SAMMSON: variants seen among roughly 807,000 people sequenced by gnomAD.
SAMMSON encodes survival associated mitochondrial melanoma specific oncogenic non-coding RNA, also known as long intergenic non-protein coding RNA 1212.
intron 4 of SAMMSON, among the ~76,000 whole-genome samples, chr3:70,133,669 A>C (rs1221891682): frequency 2.6e-5 from 4 of 152,124 alleles, no homozygotes; most frequent in Non-Finnish European, 5.9e-5. Flanking sequence ...CACTGTCTCC[A>C]CATAGATAGT....
rs188017774 is a variant in SAMMSON at position 70,356,539 on chromosome 3, A to G, written n.843-1715A>G. 9.5e-4 allele frequency among the ~76,000 whole-genome samples: 144 copies of G among 152,284 alleles called. 1 individual carries two copies. The highest frequency in any genetic ancestry group is 9.7e-4 in the East Asian group (5 of 5,178). On this transcript the variant is annotated intron_variant and non_coding_transcript_variant, in intron 8 of 9. Transcript: ENST00000642114. ...TACAAGTCCCACCAGTCATTTAATG[A>G]CATTCTCAAGATCCACTGAGAGATG...
At chr3:70,410,193 G>T (rs2106768154) in intron 2 of SAMMSON, among the ~76,000 whole-genome samples, 1 of 152,182 alleles carries the variant, frequency 6.6e-6, no homozygotes, top group Middle Eastern at 3.4e-3. Flanking sequence ...CATCCATGTT[G>T]CCTTCCTTCC....
intron 6 of SAMMSON, among the ~76,000 whole-genome samples, chr3:70,266,594 T>A (rs1701919060): frequency 6.6e-6 from 1 of 151,432 alleles, no homozygotes; most frequent in Non-Finnish European, 1.5e-5. Flanking sequence ...AAGGGTGAAT[T>A]TTTTTATTTT....
chr3:70,360,281 T>A (rs1054614763), intron 9 of SAMMSON, among the ~76,000 whole-genome samples: 10 of 152,132 alleles, frequency 6.6e-5, no homozygotes, highest in African/African-American at 2.4e-4. Context: ...AGTGCCAAGT[T>A]TTCCTAATTC....
intron 7 of SAMMSON, among the ~76,000 whole-genome samples, chr3:70,351,953 A>G (rs1407760399): frequency 6.6e-6 from 1 of 151,778 alleles, no homozygotes; most frequent in Non-Finnish European, 1.5e-5. Context: ...TGAACAACAG[A>G]AAAAAAAGAG....
intron 7 of SAMMSON, among the ~76,000 whole-genome samples, chr3:70,297,015 C>T (rs745974422): frequency 2.6e-5 from 4 of 151,914 alleles, no homozygotes; most frequent in South Asian, 2.1e-4. Flanking sequence ...ACCACACATA[C>T]GCACATACTA....
At chr3:70,277,897 A>G (rs1373165501) in intron 6 of SAMMSON, among the ~76,000 whole-genome samples, 1 of 152,158 alleles carries the variant, frequency 6.6e-6, no homozygotes, top group Admixed American at 6.6e-5. Context: ...TCAGAGGAAG[A>G]TGATTGAGAC....
chr3:70,024,015 C>G lies in SAMMSON; in HGVS notation n.417+10343C>G, dbSNP rs1454701485. Among the ~76,000 whole-genome samples the G allele has an allele frequency of 7.7e-5, 9 of 116,762 alleles. No individual in the cohort carries two copies. In the East Asian group the frequency reaches 2.9e-3, roughly 37 times the overall value. 76.6% of individuals were successfully genotyped at this position (116,762 alleles called of 152,430 possible). A position where few individuals can be genotyped will look rare whatever the true frequency, so the allele number is the denominator to read the frequency against. On this transcript the variant is annotated intron_variant and non_coding_transcript_variant, in intron 3 of 9. Coordinates refer to ENST00000642114, the Ensembl canonical transcript of SAMMSON. ...GCAGCTCTTCCTTCCTATTTTTTTCCTAATCATGGTTACCCAAACTGGTCT... is the reference window on the plus strand; with the variant it reads ...GCAGCTCTTCCTTCCTATTTTTTTCGTAATCATGGTTACCCAAACTGGTCT...
chr3:70,030,678 A>G (rs967883029), intron 3 of SAMMSON: 1 of 152,144 alleles, frequency 6.6e-6, no homozygotes, highest in Non-Finnish European at 1.5e-5. Flanking sequence ...TAACACCAAA[A>G]CCCAATGCAA....
At chr3:70,334,499 A>G (rs1702647253) in intron 7 of SAMMSON, among the ~76,000 whole-genome samples, 1 of 152,060 alleles carries the variant, frequency 6.6e-6, no homozygotes, top group Non-Finnish European at 1.5e-5. Context: ...TGAGAAAATT[A>G]GACACTTATG....
At chr3:70,247,575 A>G (rs1277177472) in intron 4 of SAMMSON, among the ~76,000 whole-genome samples, 6 of 151,880 alleles carry the variant, frequency 4.0e-5, no homozygotes, top group African/African-American at 1.4e-4. Flanking sequence ...CAATGCCACA[A>G]CTCAATTCTA....
At chr3:70,114,323 G>A (rs2067401574) in intron 4 of SAMMSON, among the ~76,000 whole-genome samples, 1 of 152,192 alleles carries the variant, frequency 6.6e-6, no homozygotes, top group African/African-American at 2.4e-5. Context: ...TCTAGATCTT[G>A]TACTCTTGCC....
intron 7 of SAMMSON, chr3:70,291,387 C>T (rs1052675374): frequency 3.3e-5 from 5 of 152,082 alleles, no homozygotes; most frequent in Non-Finnish European, 7.4e-5. Context: ...GTTATCATTA[C>T]GATATAACAA....
At chr3:70,102,324 A>G (rs1376836525) in intron 4 of SAMMSON, among the ~76,000 whole-genome samples, 3 of 152,216 alleles carry the variant, frequency 2.0e-5, no homozygotes, top group Admixed American at 2.0e-4. Context: ...TGTGAGGAAT[A>G]TCTGTTCATC....
At chr3:70,290,244 G>A (rs1182816177) in intron 6 of SAMMSON, among the ~76,000 whole-genome samples, 5 of 152,140 alleles carry the variant, frequency 3.3e-5, no homozygotes, top group Admixed American at 3.3e-4. Flanking sequence ...TTTTGGTGTG[G>A]ATGTCCTTTC....
chr3:70,080,755 A>C (rs938039478), intron 4 of SAMMSON, among the ~76,000 whole-genome samples: 1 of 151,342 alleles, frequency 6.6e-6, no homozygotes, highest in Non-Finnish European at 1.5e-5. Context: ...ATAAATCATC[A>C]TCTGTATAAC....
chr3:70,230,864 C>A (rs1217795312), intron 4 of SAMMSON, among the ~76,000 whole-genome samples: 2 of 152,156 alleles, frequency 1.3e-5, no homozygotes, highest in Non-Finnish European at 2.9e-5. Context: ...ATCTTCCTCC[C>A]AAGTCAGAAA....
chr3:70,362,894 T>C (rs928666535), intron 9 of SAMMSON, among the ~76,000 whole-genome samples: 2 of 151,204 alleles, frequency 1.3e-5, no homozygotes, highest in Non-Finnish European at 3.0e-5. Flanking sequence ...AGAAAACATG[T>C]TAGATGGAGT....
chr3:70,275,560 T>A (rs1702016535), intron 6 of SAMMSON, among the ~76,000 whole-genome samples: 1 of 151,982 alleles, frequency 6.6e-6, no homozygotes, highest in Non-Finnish European at 1.5e-5. Context: ...ACAAAGGAAT[T>A]CAGTCCTTGG....
Sources: gnomAD v4.1 joint callset for allele counts (sites outside exome capture counted in the v4.1 genomes callset) on GRCh38, gnomAD v4.1.1 for gene constraint, MANE v1.5 for transcripts, NCBI Gene and HGNC (gene_info 2026-07-23, HGNC 2026-07-21) for gene names.